Variants in PTPRR observed in about 807,000 individuals in gnomAD.
PTPRR encodes the protein protein tyrosine phosphatase receptor type R.
A neutral mutation model predicts 77.2 loss-of-function variants in PTPRR; 38 were observed. That is an observed-to-expected ratio of 0.49 (90% confidence interval 0.38 to 0.65). The LOEUF (loss-of-function observed/expected upper bound fraction) is 0.65, where lower values mean the gene tolerates loss of function less well. PTPRR is among the 30% of genes least tolerant of loss of function. The pLI is 0.00. For missense variants in PTPRR, 744 were observed against 799.2 expected, an observed-to-expected ratio of 0.93 and a Z score of 0.83; for synonymous variants, 299 against 283.1, an observed-to-expected ratio of 1.06 and a Z score of -0.57.
At chr12:70,691,878 T>C (rs1429755854) in intron 8 of PTPRR, among the ~76,000 whole-genome samples, 1 of 152,180 alleles carries the variant, frequency 6.6e-6, no homozygotes, top group African/African-American at 2.4e-5. Context: ...ATCCTCCTCA[T>C]AGCTGTCAAG....
intron 1 of PTPRR, among the ~76,000 whole-genome samples, chr12:70,903,513 T>TA (rs1893574605): frequency 6.6e-6 from 1 of 151,890 alleles, no homozygotes; most frequent in Non-Finnish European, 1.5e-5. Context: ...AAATTACATT[T>TA]AAAGTATTAG....
intron 6 of PTPRR, among the ~76,000 whole-genome samples, chr12:70,704,198 G>T (rs1360808263): frequency 6.6e-6 from 1 of 152,036 alleles, no homozygotes. Flanking sequence ...GAGGCAGGAG[G>T]ATCACTTGAG....
At chr12:70,725,048 C>T (rs1460532154) in intron 6 of PTPRR, among the ~76,000 whole-genome samples, 1 of 152,036 alleles carries the variant, frequency 6.6e-6, no homozygotes, top group African/African-American at 2.4e-5. Flanking sequence ...ATTCCACCTT[C>T]CTGAGAAAGA....
chr12:70,893,439 C>T (rs960329229), intron 1 of PTPRR, among the ~76,000 whole-genome samples: 1 of 151,888 alleles, frequency 6.6e-6, no homozygotes, highest in East Asian at 1.9e-4. Context: ...TTCACGCTTA[C>T]AGAGTATTTA....
chr12:70,889,033 T>C (rs953166237), intron 2 of PTPRR, among the ~76,000 whole-genome samples: 12 of 152,182 alleles, frequency 7.9e-5, no homozygotes, highest in African/African-American at 2.9e-4. Context: ...GAACCATATC[T>C]AGAGCTAAAT....
intron 12 of PTPRR, among the ~76,000 whole-genome samples, chr12:70,657,994 A>C (rs754561425): frequency 2.4e-4 from 37 of 152,292 alleles, no homozygotes; most frequent in Non-Finnish European, 5.1e-4. Context: ...ATAGGGACTT[A>C]ATTATATCAT....
At chr12:70,835,520 A>G (rs1409566094) in intron 2 of PTPRR, among the ~76,000 whole-genome samples, 3 of 152,134 alleles carry the variant, frequency 2.0e-5, no homozygotes, top group Non-Finnish European at 4.4e-5. Flanking sequence ...AGTATTCAAT[A>G]TCATCATGAG....
intron 2 of PTPRR, among the ~76,000 whole-genome samples, chr12:70,829,294 T>G (rs984053019): frequency 2.6e-5 from 4 of 151,062 alleles, no homozygotes; most frequent in African/African-American, 9.9e-5. Context: ...TGCTGTCCAG[T>G]AAGATTTCCT....
chr12:70,879,703 AG>A (rs1309824055), intron 2 of PTPRR, among the ~76,000 whole-genome samples: 1 of 152,124 alleles, frequency 6.6e-6, no homozygotes, highest in Non-Finnish European at 1.5e-5. Context: ...CTGTAAGGGG[AG>A]TTCTTGCTGT....
At chr12:70,831,751 G>A (rs1892216626) in intron 2 of PTPRR, among the ~76,000 whole-genome samples, 1 of 152,110 alleles carries the variant, frequency 6.6e-6, no homozygotes, top group Non-Finnish European at 1.5e-5. Context: ...CATTTCCTAA[G>A]AAAGCCTTTC....
chr12:70,835,178 G>C (rs1450841134), intron 2 of PTPRR, among the ~76,000 whole-genome samples: 1 of 152,044 alleles, frequency 6.6e-6, no homozygotes. Context: ...GGTATTGTAG[G>C]TTTCTGCCTA....
chr12:70,868,733 C>A (rs1892905638), intron 2 of PTPRR, among the ~76,000 whole-genome samples: 6 of 152,022 alleles, frequency 3.9e-5, no homozygotes, highest in Admixed American at 3.9e-4. Flanking sequence ...AAGACACATG[C>A]ACATGTATGT....
chr12:70,767,547 C>G (rs1160074751), intron 2 of PTPRR, among the ~76,000 whole-genome samples: 2 of 152,056 alleles, frequency 1.3e-5, no homozygotes, highest in African/African-American at 4.8e-5. Flanking sequence ...GAGACTTAGA[C>G]TCCTACACAA....
chr12:70,815,592 G>A (rs1891889079), intron 2 of PTPRR, among the ~76,000 whole-genome samples: 1 of 152,162 alleles, frequency 6.6e-6, no homozygotes, highest in East Asian at 1.9e-4. Flanking sequence ...AAGTAAGGAT[G>A]TATGAGACTA....
chr12:70,661,216 G>C, intron 11 of PTPRR, 119 bp from the exon 12 acceptor site: 2 of 1,350,404 alleles, frequency 1.5e-6, no homozygotes, highest in Non-Finnish European at 2.1e-6. Context: ...TTCTAGGTGG[G>C]AAAAAAATTT....
intron 10 of PTPRR, among the ~76,000 whole-genome samples, chr12:70,665,762 C>T (rs868106420): frequency 8.6e-5 from 13 of 150,748 alleles, no homozygotes; most frequent in East Asian, 1.9e-4. Flanking sequence ...TGTGAGGAGG[C>T]GGTCTAGCTA....
chr12:70,738,019 G>A (rs780560849), intron 6 of PTPRR, among the ~76,000 whole-genome samples: 1 of 152,144 alleles, frequency 6.6e-6, no homozygotes, highest in Non-Finnish European at 1.5e-5. Context: ...GATACATCAG[G>A]ACATTCTGCC....
chr12:70,919,677 T>TTTG, intron 1 of PTPRR, among the ~76,000 whole-genome samples: 1 of 20,420 alleles, frequency 4.9e-5, no homozygotes, highest in East Asian at 1.6e-3. Context: ...GTAATTGTTT[T>TTTG]TTTTTTTTTT....
chr12:70,909,707 A>G (rs1437017472), intron 1 of PTPRR, among the ~76,000 whole-genome samples: 1 of 152,174 alleles, frequency 6.6e-6, no homozygotes, highest in East Asian at 1.9e-4. Flanking sequence ...GAAAGTCAGC[A>G]TTAGAAGTGG....
Sources: gnomAD v4.1 joint callset for allele counts (sites outside exome capture counted in the v4.1 genomes callset) on GRCh38, gnomAD v4.1.1 for gene constraint, MANE v1.5 for transcripts, NCBI Gene and HGNC (gene_info 2026-07-23, HGNC 2026-07-21) for gene names.